Variants in DPYD observed in about 807,000 individuals in gnomAD.
DPYD encodes dihydropyrimidine dehydrogenase.
A neutral mutation model predicts 116.2 loss-of-function variants in DPYD; 109 were observed. The observed-to-expected ratio is 0.94, with a 90% CI of 0.80 to 1.10. The LOEUF (loss-of-function observed/expected upper bound fraction) is 1.10, where lower values mean the gene tolerates loss of function less well. Among genes scored for constraint, DPYD ranks in the 50% least tolerant of loss-of-function variants. DPYD has a pLI of 0.00. For synonymous variants in DPYD, 440 were observed against 432.0 expected (o/e 1.02, Z -0.23); for missense variants, 1,302 against 1,254.5 (o/e 1.04, Z -0.57).
intron 5 of DPYD, among the ~76,000 whole-genome samples, chr1:97,718,202 C>T (rs1662722885): frequency 6.6e-6 from 1 of 151,892 alleles, no homozygotes; most frequent in Admixed American, 6.6e-5. Flanking sequence ...TTTTAATTTG[C>T]ATTTCCCTGA....
At chr1:97,129,361 C>A (rs966052598) in intron 20 of DPYD, among the ~76,000 whole-genome samples, 1 of 151,806 alleles carries the variant, frequency 6.6e-6, no homozygotes, top group Non-Finnish European at 1.5e-5. Context: ...CCACCACACC[C>A]GGTCCTGCTG....
intron 5 of DPYD, among the ~76,000 whole-genome samples, chr1:97,717,343 T>C (rs1395365087): frequency 1.3e-5 from 2 of 151,850 alleles, no homozygotes; most frequent in Non-Finnish European, 2.9e-5. Flanking sequence ...AAAAGGAAAA[T>C]CTACAGATAC....
At chr1:97,080,476 T>A (rs756236106) in intron 22 of DPYD, among the ~76,000 whole-genome samples, 3 of 152,072 alleles carry the variant, frequency 2.0e-5, no homozygotes, top group Non-Finnish European at 2.9e-5. Context: ...TCAGAGTAAA[T>A]CATGATAGTT....
At chr1:97,484,879 C>T (rs1678532629) in intron 13 of DPYD, among the ~76,000 whole-genome samples, 1 of 152,184 alleles carries the variant, frequency 6.6e-6, no homozygotes, top group African/African-American at 2.4e-5. Flanking sequence ...TATTTTTCCG[C>T]TCACTGTATT....
intron 3 of DPYD, among the ~76,000 whole-genome samples, chr1:97,799,480 T>A (rs1041211752): frequency 6.6e-6 from 1 of 151,922 alleles, no homozygotes; most frequent in Non-Finnish European, 1.5e-5. Context: ...AATCACCTTC[T>A]GAAACTCCAT....
intron 13 of DPYD, among the ~76,000 whole-genome samples, chr1:97,472,671 C>T (rs988512565): frequency 6.6e-6 from 1 of 152,152 alleles, no homozygotes; most frequent in Non-Finnish European, 1.5e-5. Flanking sequence ...TGACTACTCA[C>T]TTTTAGTAAA....
chr1:97,560,934 G>C (rs1331786748), intron 11 of DPYD, among the ~76,000 whole-genome samples: 1 of 152,174 alleles, frequency 6.6e-6, no homozygotes, highest in African/African-American at 2.4e-5. Flanking sequence ...ACAGTGGCAA[G>C]GGTGTTAAGG....
intron 2 of DPYD, among the ~76,000 whole-genome samples, chr1:97,843,144 C>T (rs767557546): frequency 2.0e-4 from 31 of 152,072 alleles, no homozygotes; most frequent in Non-Finnish European, 4.3e-4. Context: ...TATACAGACG[C>T]CTATCTCAGA....
intron 20 of DPYD, among the ~76,000 whole-genome samples, chr1:97,115,450 C>T (rs192038137): frequency 1.3e-5 from 2 of 152,024 alleles, no homozygotes; most frequent in South Asian, 2.1e-4. Context: ...AAGAGAAGCA[C>T]GTTTAGAAGA....
At chr1:97,455,201 A>G (rs150038173) in intron 13 of DPYD, among the ~76,000 whole-genome samples, 2,588 of 152,016 alleles carry the variant, frequency 0.017, 39 homozygotes, top group Non-Finnish European at 0.026. Flanking sequence ...ATAATTATAA[A>G]GAAGCTTTAC....
chr1:97,909,407 A>G (rs532616527), intron 1 of DPYD, among the ~76,000 whole-genome samples: 1 of 152,134 alleles, frequency 6.6e-6, no homozygotes, highest in Non-Finnish European at 1.5e-5. Flanking sequence ...TAATATATGT[A>G]CCTGCTCTGT....
chr1:97,289,672 T>C (rs1389951471), intron 18 of DPYD, among the ~76,000 whole-genome samples: 2 of 152,182 alleles, frequency 1.3e-5, no homozygotes, highest in African/African-American at 2.4e-5. Context: ...AAATTAGGTA[T>C]TGATGGGACG....
At chr1:97,194,018 A>G (rs1658572115) in intron 19 of DPYD, among the ~76,000 whole-genome samples, 1 of 152,156 alleles carries the variant, frequency 6.6e-6, no homozygotes, top group Non-Finnish European at 1.5e-5. Context: ...TTTAGTTGAC[A>G]ACTCACTTCC....
At chr1:97,587,474 CCAGGTTCATATT>C (rs1452709628) in intron 10 of DPYD, among the ~76,000 whole-genome samples, 1 of 151,800 alleles carries the variant, frequency 6.6e-6, no homozygotes, top group Non-Finnish European at 1.5e-5. Flanking sequence ...AAAAATAGTC[CCAGGTTCATATT>C]TGTTGTAATT....
At chr1:97,863,737 T>C (rs1306264604) in intron 2 of DPYD, among the ~76,000 whole-genome samples, 1 of 151,810 alleles carries the variant, frequency 6.6e-6, no homozygotes, top group Non-Finnish European at 1.5e-5. Context: ...ATATATAATA[T>C]TGGAGAGCAA....
chr1:97,602,029 T>A (rs766081284), intron 8 of DPYD, among the ~76,000 whole-genome samples: 1 of 152,012 alleles, frequency 6.6e-6, no homozygotes, highest in Non-Finnish European at 1.5e-5. Context: ...AGAACATTTT[T>A]AAAAATGTTA....
chr1:97,491,810 A>T (rs1478304374), intron 13 of DPYD, among the ~76,000 whole-genome samples: 1 of 152,102 alleles, frequency 6.6e-6, no homozygotes, highest in East Asian at 1.9e-4. Context: ...AAAAGATTTG[A>T]TCTTACGGTT....
chr1:97,691,927 T>G, intron 6 of DPYD, 129 bp from the exon 7 acceptor site: 1 of 740,468 alleles, frequency 1.4e-6, no homozygotes, highest in South Asian at 1.5e-5. Flanking sequence ...GATATTTATA[T>G]ATCACACAAG....
At chr1:97,354,575 A>G (rs1415088295) in intron 16 of DPYD, among the ~76,000 whole-genome samples, 7 of 152,196 alleles carry the variant, frequency 4.6e-5, no homozygotes, top group Non-Finnish European at 8.8e-5. Context: ...CAGACATGTG[A>G]AGCTTAAAAT....
Sources: allele counts gnomAD v4.1 joint callset (sites outside exome capture counted in the v4.1 genomes callset), GRCh38; gene constraint gnomAD v4.1.1; transcripts MANE v1.5; gene names NCBI Gene and HGNC (gene_info 2026-07-23, HGNC 2026-07-21).